Variants in TMPRSS11E observed in about 807,000 individuals in gnomAD.
TMPRSS11E encodes transmembrane serine protease 11E, also known as transmembrane protease serine 11E.
Under a neutral mutation model 48.1 loss-of-function variants are expected in TMPRSS11E, and 38 were observed. The ratio of observed to expected loss-of-function variants is 0.79; its 90% CI spans 0.61 to 1.04. The LOEUF (loss-of-function observed/expected upper bound fraction) is 1.04, where lower values mean the gene tolerates loss of function less well. Ranked by LOEUF, TMPRSS11E falls within the 50% of genes least tolerant of loss-of-function variation. The pLI, the probability that TMPRSS11E is intolerant of heterozygous loss-of-function variation, is 0.00. For synonymous variants in TMPRSS11E, 158 were observed against 171.9 expected, an observed-to-expected ratio of 0.92 and a Z score of 0.63; for missense variants, 530 against 510.8, an observed-to-expected ratio of 1.04 and a Z score of -0.36.
chr4:68,452,113 G>T (rs1207830835), intron 1 of TMPRSS11E, among the ~76,000 whole-genome samples: 1 of 151,886 alleles, frequency 6.6e-6, no homozygotes, highest in Non-Finnish European at 1.5e-5. Flanking sequence ...GAGATAATTT[G>T]CATGTGGCCA....
chr4:68,449,949 G>T (rs1282673889), intron 1 of TMPRSS11E, among the ~76,000 whole-genome samples: 1 of 151,732 alleles, frequency 6.6e-6, no homozygotes, highest in Admixed American at 6.6e-5. Flanking sequence ...AAACTGAGGG[G>T]GGAGAACATA....
chr4:68,478,258 C>T (rs970252693), intron 8 of TMPRSS11E, among the ~76,000 whole-genome samples: 4 of 145,000 alleles, frequency 2.8e-5, no homozygotes, highest in Admixed American at 7.1e-5. Flanking sequence ...CAGGTTCAAG[C>T]GATTCTCCTG....
intron 9 of TMPRSS11E, among the ~76,000 whole-genome samples, chr4:68,487,407 T>C (rs1307228984): frequency 6.6e-6 from 1 of 151,926 alleles, no homozygotes; most frequent in Non-Finnish European, 1.5e-5. Context: ...TGCATGCCAT[T>C]ACACCTGGCT....
At chr4:68,487,411 C>T (rs1033213057) in intron 9 of TMPRSS11E, among the ~76,000 whole-genome samples, 3 of 151,986 alleles carry the variant, frequency 2.0e-5, no homozygotes, top group Non-Finnish European at 4.4e-5. Context: ...TGCCATTACA[C>T]CTGGCTAATT....
intron 1 of TMPRSS11E, among the ~76,000 whole-genome samples, chr4:68,449,373 A>G (rs1040211028): frequency 6.6e-6 from 1 of 151,768 alleles, no homozygotes; most frequent in African/African-American, 2.4e-5. Context: ...ATAGGGGTGT[A>G]TACTAACTGT....
rs368032666 is a variant in TMPRSS11E, at chr4:68,466,798, T to C, written c.258+46T>C. 2.5e-6 allele frequency: 4 copies of C among 1,609,740 alleles called. No homozygotes were observed. In the African/African-American group the frequency reaches 5.4e-5, roughly 22 times the overall value. On this transcript the variant is annotated intron_variant, in intron 3 of 9. Transcript: ENST00000305363. ...TTCTAGTGCATTTGCTTTCACTTTT[T>C]ACCATATTTTTAGCATCCTAGCTTC...
intron 2 of TMPRSS11E, 55 bp from the exon 3 acceptor site, chr4:68,466,576 T>A (rs1424439471): frequency 3.1e-5 from 49 of 1,588,462 alleles, no homozygotes; most frequent in Admixed American, 2.7e-4. Context: ...GATATAATGA[T>A]GCTTTACACA....
Position 68,461,856 on chromosome 4 carries a change from G to A in TMPRSS11E, c.47G>A (p.Trp16Ter). ...DVVRARKRVC[W>*]EPWVIGLVIF... is the part of the protein sequence containing the mutation. ...GTGAGGGCTAGGAAAAGAGTTTGTT[G>A]GGAACCCTGGGTTATCGGCCTCGTC... The change falls in exon 2 of 10, where the codon TGG becomes TAG. Residue 16 changes from tryptophan (W) to a stop codon, truncating the protein, a stop_gained. Transcript: ENST00000305363. LOFTEE classifies it high-confidence loss of function. The A allele has an allele frequency of 2.5e-6, 4 of 1,614,130 alleles. No homozygotes were observed. Among genetic ancestry groups the A allele is most frequent in the Non-Finnish European group, 2.5e-6 (3 of 1,180,012 alleles).
chr4:68,474,318 T>C (rs924908071), intron 5 of TMPRSS11E, among the ~76,000 whole-genome samples: 2 of 152,120 alleles, frequency 1.3e-5, no homozygotes, highest in African/African-American at 4.8e-5. Flanking sequence ...TCTGAAATAA[T>C]GGTTAATAAA....
In TMPRSS11E at chr4:68,465,221, C is replaced by T. The variant is rs374765132; in HGVS notation, c.137-1410C>T. On this transcript the variant is annotated intron_variant, in intron 2 of 9. Coordinates refer to ENST00000305363, the MANE Select transcript of TMPRSS11E (RefSeq NM_014058.4). Reference sequence around the variant, plus strand: ...CCTCCCAAGTCCTTCACTTAGGTCTCTTGTACTCTGGTGACTCAACTTTCA... The same window carrying T: ...CCTCCCAAGTCCTTCACTTAGGTCTTTTGTACTCTGGTGACTCAACTTTCA... Among the ~76,000 whole-genome samples, 55 of 152,270 alleles carry T rather than the reference C, an allele frequency of 3.6e-4. No homozygotes were observed. The South Asian group carries it at 0.011, about 29-fold the overall frequency.
intron 9 of TMPRSS11E, among the ~76,000 whole-genome samples, chr4:68,484,132 TC>T: frequency 6.6e-6 from 1 of 152,206 alleles, no homozygotes; most frequent in East Asian, 1.9e-4. Flanking sequence ...CTTTTTTGGT[TC>T]CATATAAATA....
In TMPRSS11E at chr4:68,478,934, C is replaced by T; in HGVS notation, c.1053C>T (p.Ala351=). The change falls in exon 9 of 10, where the codon GCC becomes GCT. Residue 351 remains alanine, a synonymous_variant. Coordinates refer to ENST00000305363, the MANE Select transcript of TMPRSS11E (RefSeq NM_014058.4). ...TCNEPQAYND[A]ITPRMLCAGS... ...ATGAACCTCAAGCTTACAATGACGCCATAACTCCTAGAATGTTATGTGCTG... is the reference window on the plus strand; with the variant it reads ...ATGAACCTCAAGCTTACAATGACGCTATAACTCCTAGAATGTTATGTGCTG... The T allele has an allele frequency of 6.2e-7, 1 of 1,614,054 alleles. No individual in the cohort carries two copies. Among genetic ancestry groups the T allele is most frequent in the South Asian group, 1.1e-5 (1 of 91,086 alleles).
At chr4:68,490,248 G>A (rs573296372) in intron 9 of TMPRSS11E, among the ~76,000 whole-genome samples, 143 of 152,224 alleles carry the variant, frequency 9.4e-4, no homozygotes, top group Non-Finnish European at 1.7e-3. Flanking sequence ...TGTTCAGAGT[G>A]TGCCAGTCTT....
At chr4:68,456,129 T>C (rs965512266) in intron 1 of TMPRSS11E, among the ~76,000 whole-genome samples, 1 of 151,970 alleles carries the variant, frequency 6.6e-6, no homozygotes, top group Non-Finnish European at 1.5e-5. Context: ...TACTGTTGAG[T>C]TGCCACTAAT....
chr4:68,469,850 A>C (rs1216581929), intron 4 of TMPRSS11E, among the ~76,000 whole-genome samples: 1 of 151,962 alleles, frequency 6.6e-6, no homozygotes, highest in East Asian at 1.9e-4. Flanking sequence ...AATCACATAA[A>C]TGAGAAACCT....
chr4:68,474,693 G>A, intron 5 of TMPRSS11E, 30 bp from the exon 6 acceptor site: 3 of 1,604,412 alleles, frequency 1.9e-6, no homozygotes, highest in Non-Finnish European at 2.6e-6. Flanking sequence ...CTGATGTGCT[G>A]ACCCTATTTG....
At chr4:68,457,220 A>G (rs554234416) in intron 1 of TMPRSS11E, among the ~76,000 whole-genome samples, 2 of 152,310 alleles carry the variant, frequency 1.3e-5, no homozygotes, top group Non-Finnish European at 2.9e-5. Context: ...AAACAACCCC[A>G]TAAAAAAGTA....
Position 68,471,562 on chromosome 4 carries a change from T to G in TMPRSS11E, c.429T>G (p.His143Gln). 1 of 1,611,462 alleles carries G rather than the reference T, an allele frequency of 6.2e-7. No individual in the cohort carries two copies. ...TVDKIVQLVL[H>Q]EKLQDAVGPP... ...ATAAAATTGTTCAACTTGTTTTACA[T>G]GAAAAGCTGCAAGATGCTGTAGGAC... The change falls in exon 5 of 10, where the codon CAT becomes CAG. Residue 143 changes from histidine (H) to glutamine (Q), a missense_variant. By Grantham distance (24) the His-to-Gln change is conservative. Transcript: ENST00000305363.
At chr4:68,484,018 C>G (rs557257344) in intron 9 of TMPRSS11E, among the ~76,000 whole-genome samples, 1 of 151,924 alleles carries the variant, frequency 6.6e-6, no homozygotes, top group African/African-American at 2.4e-5. Flanking sequence ...GTACTAGCAC[C>G]ATGATCTTCT....
Sources: allele counts gnomAD v4.1 joint callset (sites outside exome capture counted in the v4.1 genomes callset), GRCh38; gene constraint gnomAD v4.1.1; transcripts MANE v1.5; gene names NCBI Gene and HGNC (gene_info 2026-07-23, HGNC 2026-07-21).